The following PCDHGA9 variants were observed in gnomAD, a reference collection of about 807,000 sequenced individuals.
PCDHGA9 encodes the protein protocadherin gamma-A9.
In PCDHGA9, 37 loss-of-function variants were observed where a neutral mutation model predicts 62.5. That is an observed-to-expected ratio of 0.59 (90% CI 0.46 to 0.78). PCDHGA9 has a LOEUF of 0.78. Among genes scored for constraint, PCDHGA9 ranks in the 30% least tolerant of loss-of-function variants. The pLI, the probability that PCDHGA9 is intolerant of heterozygous loss-of-function variation, is 0.00. For missense variants in PCDHGA9, 1,138 were observed against 1,166.2 expected, an observed-to-expected ratio of 0.98 and a Z score of 0.35; for synonymous variants, 459 against 484.6, an observed-to-expected ratio of 0.95 and a Z score of 0.69.
Position 141,490,051 on chromosome 5 carries a change from G to C in PCDHGA9, c.2425-4756G>C, listed in dbSNP as rs779280988. 1 of 1,614,214 alleles carries C rather than the reference G, an allele frequency of 6.2e-7. No individual in the cohort carries two copies. The highest frequency in any genetic ancestry group is 1.1e-5 in the South Asian group (1 of 91,082). On this transcript the variant is annotated intron_variant, in intron 1 of 3. Coordinates refer to ENST00000573521, the MANE Select transcript of PCDHGA9 (RefSeq NM_018921.3). The surrounding 1 kb of genome is among the most constrained non-coding windows in gnomAD (Gnocchi z 5.4). Reference sequence around the variant, plus strand: ...CCGCCTCAATGCCACTGATCCAGACGAGGGCACCAACGGCCAACTAGACTA... The same window carrying C: ...CCGCCTCAATGCCACTGATCCAGACCAGGGCACCAACGGCCAACTAGACTA...
At chr5:141,504,134 A>G (rs73280371) in intron 2 of PCDHGA9, among the ~76,000 whole-genome samples, 139 of 152,168 alleles carry the variant, frequency 9.1e-4, no homozygotes, top group African/African-American at 3.1e-3. Flanking sequence ...TCCCGCCAAC[A>G]CTCCCCTGCA....
chr5:141,476,071 T>A lies in PCDHGA9; in HGVS notation c.2425-18736T>A. On this transcript the variant is annotated intron_variant, in intron 1 of 3. Transcript: ENST00000573521. The surrounding 1 kb of genome is among the most constrained non-coding windows in gnomAD (Gnocchi z 7.6). ...CCGCTGAAAGTTTCTCAGCGAAATC[T>A]CAGGGACGATCTGGACCCCGCTGAG... 6.6e-7 allele frequency: 1 copy of A among 1,522,792 alleles called. No individual in the cohort carries two copies. The highest frequency in any genetic ancestry group is 8.8e-7 in the Non-Finnish European group (1 of 1,142,680). 94.3% of individuals were successfully genotyped at this position (1,522,792 alleles called of 1,614,324 possible).
Position 141,490,826 on chromosome 5 carries a change from T to A in PCDHGA9, c.2425-3981T>A, listed in dbSNP as rs1195265146. ...ACCTTTGACTATGAATTGCTGCAGA[T>A]GCTGCAGATTGTGGTGGGGGTTCGA... On this transcript the variant is annotated intron_variant, in intron 1 of 3. Coordinates refer to ENST00000573521, the MANE Select transcript of PCDHGA9 (RefSeq NM_018921.3). The surrounding 1 kb of genome is among the most constrained non-coding windows in gnomAD (Gnocchi z 5.4). 6.2e-7 allele frequency: 1 copy of A among 1,613,736 alleles called. No homozygotes were observed. The highest frequency in any genetic ancestry group is 8.5e-7 in the Non-Finnish European group (1 of 1,179,796).
At chr5:141,422,997 C>T (rs114907564) in intron 1 of PCDHGA9, 28,679 of 1,614,218 alleles carry the variant, frequency 0.018, 311 homozygotes, top group Non-Finnish European at 0.021. Context: ...ACCTGGTGAC[C>T]AAGGTGGTTG....
chr5:141,488,441 C>T (rs1320712074), intron 1 of PCDHGA9, among the ~76,000 whole-genome samples: 1 of 152,206 alleles, frequency 6.6e-6, no homozygotes, highest in Non-Finnish European at 1.5e-5. Flanking sequence ...TGACCACCCT[C>T]CTGGGTGACC....
chr5:141,494,764 T>A (rs773955144), intron 1 of PCDHGA9, 43 bp from the exon 2 acceptor site: 1 of 1,613,932 alleles, frequency 6.2e-7, no homozygotes, highest in Non-Finnish European at 8.5e-7. Context: ...ACATTCTAAC[T>A]TCTCACGGGT....
At position 141,428,400 on chromosome 5, in the gene PCDHGA9, G is replaced by T. The variant is rs373595231; in HGVS notation, c.2424+23024G>T. 3 of 483,290 alleles carry T rather than the reference G, an allele frequency of 6.2e-6. No individual in the cohort carries two copies. The East Asian group carries it at 1.2e-4, about 20-fold the overall frequency. 29.9% of individuals were successfully genotyped at this position (483,290 alleles called of 1,614,324 possible). ...GATGCTCTTCCAGCCCCTCTGCCTGGGGTTGCTTTCACCCTGGTCTCTGTT... is the reference window on the plus strand; with the variant it reads ...GATGCTCTTCCAGCCCCTCTGCCTGTGGTTGCTTTCACCCTGGTCTCTGTT... On this transcript the variant is annotated intron_variant, in intron 1 of 3. Coordinates refer to ENST00000573521, the MANE Select transcript of PCDHGA9 (RefSeq NM_018921.3).
intron 1 of PCDHGA9, among the ~76,000 whole-genome samples, chr5:141,425,603 A>G (rs2096884807): frequency 6.6e-6 from 1 of 152,218 alleles, no homozygotes; most frequent in Non-Finnish European, 1.5e-5. Context: ...TATGCCCTAT[A>G]TAGCTTTCAG....
chr5:141,512,262 C>G lies in PCDHGA9; in HGVS notation c.*1089C>G, dbSNP rs925517361. On this transcript the variant is annotated 3_prime_UTR_variant, in exon 4 of 4. Transcript: ENST00000573521. ...GAGGGGCCTCTGTGGGTGCTGGGTA[C>G]TCCAGAGGTGCCACTGGTGGAAGGG... 1 of 152,712 alleles carries G rather than the reference C, an allele frequency of 6.5e-6. No homozygotes were observed. The highest frequency in any genetic ancestry group is 2.4e-5 in the African/African-American group (1 of 41,452). 9.5% of individuals were successfully genotyped at this position (152,712 alleles called of 1,614,324 possible).
At chr5:141,469,896 C>T (rs934040636) in intron 1 of PCDHGA9, among the ~76,000 whole-genome samples, 4 of 152,074 alleles carry the variant, frequency 2.6e-5, no homozygotes, top group Admixed American at 6.5e-5. Context: ...TTTGGGAAGC[C>T]GAGGCAGGCA....
At chr5:141,505,015 A>G (rs965107997) in intron 2 of PCDHGA9, among the ~76,000 whole-genome samples, 1 of 152,160 alleles carries the variant, frequency 6.6e-6, no homozygotes, top group Admixed American at 6.5e-5. Flanking sequence ...TACAAAAATT[A>G]GCCTGGCACA....
chr5:141,453,746 T>C (rs1345046460), intron 1 of PCDHGA9, among the ~76,000 whole-genome samples: 1 of 152,254 alleles, frequency 6.6e-6, no homozygotes, highest in Non-Finnish European at 1.5e-5. Flanking sequence ...TTAAATAACA[T>C]AAGTCTCCTA....
chr5:141,469,213 G>A (rs866405809), intron 1 of PCDHGA9, among the ~76,000 whole-genome samples: 21 of 150,912 alleles, frequency 1.4e-4, no homozygotes, highest in African/African-American at 5.1e-4. Flanking sequence ...TGAAGTTGAG[G>A]CTTCAGTGAG....
intron 1 of PCDHGA9, among the ~76,000 whole-genome samples, chr5:141,463,438 C>CTTTTTTTTTTTTT (rs71576115): frequency 9.7e-6 from 1 of 103,256 alleles, no homozygotes; most frequent in Non-Finnish European, 1.9e-5. Context: ...TTTCCTTCTC[C>CTTTTTTTTTTTTT]TTTTTTTTTT....
intron 1 of PCDHGA9, among the ~76,000 whole-genome samples, chr5:141,463,797 T>C (rs58523023): frequency 0.28 from 42,459 of 152,012 alleles, 6,656 homozygotes; most frequent in African/African-American, 0.43. Flanking sequence ...TGAACAAATG[T>C]CTAAAAGCTT....
Position 141,505,488 on chromosome 5 carries a change from G to A in PCDHGA9, c.2572+7G>A. On this transcript the variant is annotated splice_region_variant and intron_variant, in intron 3 of 3. Transcript: ENST00000573521. Reference sequence around the variant, plus strand: ...ATCTTGGCGTCCGCCAGTGGTAAGTGGTGTCAGTGTGTGTATGGAAGAGTG... The same window carrying A: ...ATCTTGGCGTCCGCCAGTGGTAAGTAGTGTCAGTGTGTGTATGGAAGAGTG... The A allele has an allele frequency of 6.2e-7, 1 of 1,614,222 alleles. No individual in the cohort carries two copies. The highest frequency in any genetic ancestry group is 8.5e-7 in the Non-Finnish European group (1 of 1,180,018).
chr5:141,431,228 G>C lies in PCDHGA9; in HGVS notation c.2424+25852G>C, dbSNP rs772199359. The stretch of plus-strand genomic sequence containing the variant: ...TGAGATGCGGTTCCCTCTACCCCAC[G>C]CCTGGGATCCGGATATCGGGAAGAA... On this transcript the variant is annotated intron_variant, in intron 1 of 3. Coordinates refer to ENST00000573521, the MANE Select transcript of PCDHGA9 (RefSeq NM_018921.3). The surrounding 1 kb of genome is among the most constrained non-coding windows in gnomAD (Gnocchi z 4.8). The C allele has an allele frequency of 1.9e-6, 3 of 1,614,000 alleles. No individual in the cohort carries two copies. The African/African-American group carries it at 4.0e-5, about 22-fold the overall frequency.
At chr5:141,409,227 A>G (rs2095244126) in intron 1 of PCDHGA9, 1 of 1,613,922 alleles carries the variant, frequency 6.2e-7, no homozygotes, top group African/African-American at 1.3e-5. Flanking sequence ...GATGAAAACG[A>G]CAACAGCCCA....
At chr5:141,418,124 C>G (rs762154093) in intron 1 of PCDHGA9, 1 of 1,613,836 alleles carries the variant, frequency 6.2e-7, no homozygotes, top group African/African-American at 1.3e-5. Context: ...TGTGAAGGAC[C>G]GAATAGACCG....
Sources: gnomAD v4.1 joint callset for allele counts (sites outside exome capture counted in the v4.1 genomes callset) on GRCh38, gnomAD v4.1.1 for gene constraint, Gnocchi (gnomAD v3.1) non-coding constraint, MANE v1.5 for transcripts, NCBI Gene and HGNC (gene_info 2026-07-23, HGNC 2026-07-21) for gene names.